Variants in MOCOS observed in about 807,000 individuals in gnomAD.
MOCOS encodes human molybdenum cofactor sulfurase.
MOCOS carries 86 observed loss-of-function variants against 83.6 expected under a neutral mutation model. The ratio of observed to expected loss-of-function variants is 1.03; its 90% CI spans 0.86 to 1.23. MOCOS has a LOEUF of 1.23. Among genes scored for constraint, MOCOS ranks in the 50% most tolerant of loss-of-function variants. The probability of loss-of-function intolerance (pLI) is 0.00; values close to 1 mark genes in which losing one functional copy is unlikely to be tolerated. For synonymous variants in MOCOS, 445 were observed against 434.7 expected (o/e 1.02, Z -0.29); for missense variants, 1,120 against 1,126.9 (o/e 0.99, Z 0.09).
intron 9 of MOCOS, among the ~76,000 whole-genome samples, chr18:36,222,628 G>T (rs62103124): frequency 0.038 from 5,581 of 146,038 alleles, 144 homozygotes; most frequent in Admixed American, 0.072. Context: ...TAGAGACAGA[G>T]CCTCGCTCTG....
chr18:36,253,607 A>C (rs2091629811), intron 11 of MOCOS, among the ~76,000 whole-genome samples: 1 of 151,914 alleles, frequency 6.6e-6, no homozygotes, highest in Non-Finnish European at 1.5e-5. Context: ...CAGAGGTTGC[A>C]GTGAGCCAAG....
intron 2 of MOCOS, among the ~76,000 whole-genome samples, chr18:36,197,787 A>G (rs2091395396): frequency 6.6e-6 from 1 of 151,972 alleles, no homozygotes. Flanking sequence ...AAAAAAATCT[A>G]TTTCAGGTGT....
intron 6 of MOCOS, among the ~76,000 whole-genome samples, chr18:36,210,348 G>A (rs2091449855): frequency 6.6e-6 from 1 of 152,094 alleles, no homozygotes; most frequent in East Asian, 1.9e-4. Context: ...GCCACAGGTG[G>A]TCTCTTGAGT....
At chr18:36,227,934 T>A (rs2091523973) in intron 9 of MOCOS, among the ~76,000 whole-genome samples, 1 of 152,148 alleles carries the variant, frequency 6.6e-6, no homozygotes, top group South Asian at 2.1e-4. Flanking sequence ...TTGCAAACTA[T>A]GCATCTGACA....
At position 36,187,700 on chromosome 18, in the gene MOCOS, CT is replaced by C. The variant is rs2091346944; in HGVS notation, c.142+21del. 3 of 1,261,050 alleles carry C rather than the reference CT, an allele frequency of 2.4e-6. No individual in the cohort carries two copies. Among genetic ancestry groups the C allele is most frequent in the Non-Finnish European group, 3.0e-6 (3 of 1,003,088 alleles). The allele number at this position is 1,261,050 out of a possible 1,614,324, so 78.1% of individuals were successfully genotyped here. ...CTGGCAGGTGAGGCGGGCGGGCAGG[CT>C]TGGGGGACACGAGGTTTCTGGAACC... On this transcript the variant is annotated intron_variant, in intron 1 of 14. Transcript: ENST00000261326.
At chr18:36,234,618 T>G (rs182544358) in intron 9 of MOCOS, among the ~76,000 whole-genome samples, 1 of 152,332 alleles carries the variant, frequency 6.6e-6, no homozygotes. Flanking sequence ...ATATTTCTTT[T>G]AACAGCATGG....
chr18:36,242,959 T>C (rs2091589347), intron 9 of MOCOS, among the ~76,000 whole-genome samples: 1 of 152,220 alleles, frequency 6.6e-6, no homozygotes, highest in Admixed American at 6.5e-5. Context: ...CAGCAGTGTT[T>C]TATTGTTTTC....
At chr18:36,199,198 A>G (rs562502141) in intron 3 of MOCOS, among the ~76,000 whole-genome samples, 1 of 152,162 alleles carries the variant, frequency 6.6e-6, no homozygotes, top group Non-Finnish European at 1.5e-5. Context: ...ACAGCTCTCT[A>G]TACTTTCTAA....
intron 9 of MOCOS, among the ~76,000 whole-genome samples, chr18:36,222,904 A>G (rs2091501993): frequency 6.6e-6 from 1 of 152,026 alleles, no homozygotes; most frequent in Non-Finnish European, 1.5e-5. Flanking sequence ...CCAGCCACTA[A>G]CCCATTTTTA....
At chr18:36,229,107 T>C (rs1046737746) in intron 9 of MOCOS, among the ~76,000 whole-genome samples, 17 of 152,248 alleles carry the variant, frequency 1.1e-4, no homozygotes, top group East Asian at 3.8e-4. Flanking sequence ...CCACTACCAA[T>C]AGTAACATAA....
In MOCOS at chr18:36,203,198, A is replaced by T. The variant is rs375273553; in HGVS notation, c.1018+9A>T. The T allele has an allele frequency of 3.4e-5, 55 of 1,612,272 alleles. No individual in the cohort carries two copies. In the African/African-American group the frequency reaches 5.9e-4, roughly 17 times the overall value. Reference sequence around the variant, plus strand: ...CCTAGAGCGCCTCACAGGTCAGTGGACATTTCTATCCCTGTGGAATTTGCT... The same window carrying T: ...CCTAGAGCGCCTCACAGGTCAGTGGTCATTTCTATCCCTGTGGAATTTGCT... On this transcript the variant is annotated intron_variant, in intron 5 of 14. Coordinates refer to ENST00000261326, the MANE Select transcript of MOCOS (RefSeq NM_017947.4).
chr18:36,231,558 GTTTT>G (rs1409179340), intron 9 of MOCOS, among the ~76,000 whole-genome samples: 1 of 152,208 alleles, frequency 6.6e-6, no homozygotes, highest in African/African-American at 2.4e-5. Flanking sequence ...TTGTTTGTTT[GTTTT>G]GTTTGTTTGT....
chr18:36,249,104 C>T, intron 10 of MOCOS, 104 bp downstream of exon 10: 1 of 988,050 alleles, frequency 1.0e-6, no homozygotes, highest in Non-Finnish European at 1.6e-6. Context: ...ACCCTTCAGT[C>T]CAGTTGCTGT....
rs2091659044 is a variant in MOCOS, at chr18:36,260,271, C to T, written c.2409+96C>T. On this transcript the variant is annotated intron_variant, in intron 13 of 14. Transcript: ENST00000261326. ...GGATAGCTGCAGGTGGGACTCCCTC[C>T]CAGTCCTTGTCTCTTAACTACAAAA... is the stretch of plus-strand genomic sequence containing the variant. 3 of 1,507,064 alleles carry T rather than the reference C, an allele frequency of 2.0e-6. No individual in the cohort carries two copies. In the African/African-American group the frequency reaches 4.1e-5, roughly 21 times the overall value. 93.4% of individuals were successfully genotyped at this position (1,507,064 alleles called of 1,614,324 possible). A position where few individuals can be genotyped will look rare whatever the true frequency, so the allele number is the denominator to read the frequency against.
intron 9 of MOCOS, among the ~76,000 whole-genome samples, chr18:36,243,262 T>C (rs686442): frequency 0.45 from 69,119 of 151,984 alleles, 16,221 homozygotes; most frequent in African/African-American, 0.56. Flanking sequence ...GGATGCCCTT[T>C]ATTTCTTTCT....
intron 11 of MOCOS, 85 bp downstream of exon 11, chr18:36,251,368 C>T (rs550150760): frequency 5.0e-5 from 77 of 1,531,414 alleles, no homozygotes; most frequent in Middle Eastern, 3.4e-4. Context: ...ACTGCACTTA[C>T]GGGTGACTTG....
intron 6 of MOCOS, among the ~76,000 whole-genome samples, chr18:36,210,443 A>G (rs1378086008): frequency 6.6e-6 from 1 of 152,186 alleles, no homozygotes; most frequent in Non-Finnish European, 1.5e-5. Flanking sequence ...AAGAAGCACA[A>G]TATTTTAAAT....
At position 36,199,791 on chromosome 18, in the gene MOCOS, G is replaced by C. The variant is rs372495692; in HGVS notation, c.408G>C (p.Gln136His). ...LVAEAFPWVS[Q>H]GPESSGSRFC... ...CAGAGGCCTTTCCATGGGTGTCCCAGGGCCCAGAGAGCAGTGGGAGTCGCT... is the reference window on the plus strand; with the variant it reads ...CAGAGGCCTTTCCATGGGTGTCCCACGGCCCAGAGAGCAGTGGGAGTCGCT... The change falls in exon 4 of 15, where the codon CAG becomes CAC. Residue 136 changes from glutamine to histidine, a missense_variant. By Grantham distance (24) the Gln-to-His change is conservative. Coordinates refer to ENST00000261326, the MANE Select transcript of MOCOS (RefSeq NM_017947.4). 2.6e-5 allele frequency: 42 copies of C among 1,614,042 alleles called. No homozygotes were observed. The highest frequency in any genetic ancestry group is 1.0e-4 in the Admixed American group (6 of 60,000).
intron 9 of MOCOS, among the ~76,000 whole-genome samples, chr18:36,221,814 C>A (rs937895952): frequency 6.0e-5 from 9 of 151,110 alleles, no homozygotes; most frequent in African/African-American, 2.2e-4. Flanking sequence ...GCAACCTCTG[C>A]CTCCTGGGTT....
Sources: gnomAD v4.1 joint callset for allele counts (sites outside exome capture counted in the v4.1 genomes callset) on GRCh38, gnomAD v4.1.1 for gene constraint, MANE v1.5 for transcripts, NCBI Gene and HGNC (gene_info 2026-07-23, HGNC 2026-07-21) for gene names.